Variants in LRCH3 observed in about 807,000 individuals in gnomAD.
LRCH3 encodes the protein leucine rich repeats and calponin homology domain containing 3, also known as DISP complex protein LRCH3.
A neutral mutation model predicts 104.5 loss-of-function variants in LRCH3; 68 were observed. That is an observed-to-expected ratio of 0.65 (90% confidence interval 0.54 to 0.80). LRCH3 has a LOEUF of 0.80. LRCH3 is among the 30% of genes least tolerant of loss of function. The pLI is 0.00. For missense variants in LRCH3, 951 were observed against 953.9 expected (o/e 1.00, Z 0.04); for synonymous variants, 344 against 361.3 (o/e 0.95, Z 0.54).
intron 19 of LRCH3, among the ~76,000 whole-genome samples, chr3:197,872,473 G>A (rs1712328757): frequency 6.6e-6 from 1 of 151,622 alleles, no homozygotes; most frequent in African/African-American, 2.4e-5. Context: ...GCTTGTGCCT[G>A]TAGTCCCAGC....
At chr3:197,830,506 A>G (rs1735789460) in intron 6 of LRCH3, among the ~76,000 whole-genome samples, 1 of 152,226 alleles carries the variant, frequency 6.6e-6, no homozygotes, top group African/African-American at 2.4e-5. Flanking sequence ...GCACAGTCCT[A>G]GTAAACTCGC....
chr3:197,870,316 T>A, intron 18 of LRCH3, 38 bp downstream of exon 18: 1 of 1,582,612 alleles, frequency 6.3e-7, no homozygotes. Flanking sequence ...TTTTCAGTAT[T>A]ACTGCTATAG....
chr3:197,820,958 C>T (rs1580643791), intron 4 of LRCH3, among the ~76,000 whole-genome samples: 1 of 150,346 alleles, frequency 6.7e-6, no homozygotes. Flanking sequence ...ATTTTAAAAG[C>T]CTCTTCAATG....
chr3:197,795,212 G>A (rs1460164339), intron 1 of LRCH3, among the ~76,000 whole-genome samples: 1 of 152,072 alleles, frequency 6.6e-6, no homozygotes, highest in Non-Finnish European at 1.5e-5. Context: ...AAAATGTTAA[G>A]AGTATAAGGG....
In LRCH3 at chr3:197,812,504, GTTTTTTTTTTT is replaced by G. The variant is rs71623380; in HGVS notation, c.263-2388_263-2378del. Among the ~76,000 whole-genome samples the G allele has an allele frequency of 6.6e-3, 325 of 48,976 alleles. 11 individuals carry two copies. The highest frequency in any genetic ancestry group is 8.1e-3 in the Non-Finnish European group (232 of 28,498). 32.1% of individuals were successfully genotyped at this position (48,976 alleles called of 152,430 possible). On this transcript the variant is annotated intron_variant, in intron 1 of 20. Transcript: ENST00000425562. ...ATATCTGTTCAAGTCTCTGCTTTCAGTTTTTTTTTTTTTTTTTTTTTTTTTTAGGTGGAGTC... is the reference window on the plus strand; with the variant it reads ...ATATCTGTTCAAGTCTCTGCTTTCAGTTTTTTTTTTTTTTTAGGTGGAGTC...
In LRCH3 at chr3:197,883,388, C is replaced by G; in HGVS notation, c.2209-153C>G. 7.2e-7 allele frequency: 1 copy of G among 1,396,632 alleles called. No homozygotes were observed. The highest frequency in any genetic ancestry group is 9.3e-7 in the Non-Finnish European group (1 of 1,069,878). 86.5% of individuals were successfully genotyped at this position (1,396,632 alleles called of 1,614,324 possible). On this transcript the variant is annotated intron_variant, in intron 20 of 20. Coordinates refer to ENST00000425562, the MANE Select transcript of LRCH3 (RefSeq NM_001365715.1). This position sits in a 1 kb window ranked among gnomAD's most constrained non-coding sequence, Gnocchi z 4.2. ...AGTGTCAGACACCATCTCTCTAACT[C>G]ATATTTACACTGAGGTCAGTTTCCC...
chr3:197,805,317 G>T (rs184987007), intron 1 of LRCH3, among the ~76,000 whole-genome samples: 2 of 152,262 alleles, frequency 1.3e-5, no homozygotes, highest in East Asian at 3.9e-4. Flanking sequence ...TTTCTTAAGG[G>T]TCTTACCTCT....
intron 1 of LRCH3, among the ~76,000 whole-genome samples, chr3:197,814,369 C>G (rs915541905): frequency 3.9e-5 from 6 of 152,360 alleles, no homozygotes; most frequent in East Asian, 1.9e-4. Context: ...GTCCCTCCCA[C>G]AGCGTGGGGG....
At chr3:197,843,961 C>G (rs1580768769) in intron 10 of LRCH3, among the ~76,000 whole-genome samples, 2 of 152,040 alleles carry the variant, frequency 1.3e-5, no homozygotes, top group African/African-American at 4.8e-5. Flanking sequence ...TCAGGTACTG[C>G]TAGGTGCTAT....
chr3:197,792,246 C>T (rs1453219963), intron 1 of LRCH3, among the ~76,000 whole-genome samples: 1 of 151,742 alleles, frequency 6.6e-6, no homozygotes, highest in Non-Finnish European at 1.5e-5. Flanking sequence ...CCATTAGTTT[C>T]CTCTTCCACT....
Position 197,884,484 on chromosome 3 carries a change from AGCCCCCGCGCCCG to A in LRCH3, c.*822_*834del, listed in dbSNP as rs999839994. On this transcript the variant is annotated 3_prime_UTR_variant, in exon 21 of 21. Transcript: ENST00000425562. ...CCAGAGTGCTGGGATGACAGGCGTG[AGCCCCCGCGCCCG>A]GCCTCCGAGAGTGCTGGGATTACAG... 2 of 152,604 alleles carry A rather than the reference AGCCCCCGCGCCCG, an allele frequency of 1.3e-5. No individual in the cohort carries two copies. The highest frequency in any genetic ancestry group is 2.9e-5 in the Non-Finnish European group (2 of 68,724). 9.5% of individuals were successfully genotyped at this position (152,604 alleles called of 1,614,324 possible).
intron 20 of LRCH3, among the ~76,000 whole-genome samples, chr3:197,879,645 T>C (rs1471696673): frequency 1.3e-5 from 2 of 150,658 alleles, no homozygotes; most frequent in East Asian, 1.9e-4. Flanking sequence ...AAAAATAAAA[T>C]AAAACAGACA....
intron 1 of LRCH3, among the ~76,000 whole-genome samples, chr3:197,803,080 A>G (rs1295389399): frequency 1.3e-5 from 2 of 152,230 alleles, no homozygotes; most frequent in Non-Finnish European, 1.5e-5. Flanking sequence ...GTCAACTTCT[A>G]GGTATTTGGG....
intron 15 of LRCH3, among the ~76,000 whole-genome samples, chr3:197,862,182 G>A (rs1740961566): frequency 6.6e-6 from 1 of 152,276 alleles, no homozygotes; most frequent in Non-Finnish European, 1.5e-5. Flanking sequence ...TTTTAGTAGA[G>A]ATGGGATTTT....
chr3:197,857,178 C>A (rs558376098), intron 14 of LRCH3, among the ~76,000 whole-genome samples: 1 of 140,486 alleles, frequency 7.1e-6, no homozygotes, highest in Non-Finnish European at 1.5e-5. Flanking sequence ...ACCTCTCAAG[C>A]TCCTGTTAAT....
chr3:197,883,528 T>C lies in LRCH3; in HGVS notation c.2209-13T>C, dbSNP rs1167620623. 9 of 1,533,974 alleles carry C rather than the reference T, an allele frequency of 5.9e-6. No individual in the cohort carries two copies. In the South Asian group the frequency reaches 8.4e-5, roughly 14 times the overall value. ...CTTTTTTGTTTGTTTTCATGTTACGTTGTCCCTTTCAGGAGCAATTATGTT... is the reference window on the plus strand; with the variant it reads ...CTTTTTTGTTTGTTTTCATGTTACGCTGTCCCTTTCAGGAGCAATTATGTT... On this transcript the variant is annotated splice_polypyrimidine_tract_variant and intron_variant, in intron 20 of 20. Transcript: ENST00000425562. The surrounding 1 kb of genome is among the most constrained non-coding windows in gnomAD (Gnocchi z 4.2).
intron 1 of LRCH3, among the ~76,000 whole-genome samples, chr3:197,814,519 A>G (rs991464391): frequency 2.0e-5 from 3 of 152,202 alleles, no homozygotes; most frequent in Non-Finnish European, 4.4e-5. Context: ...AATATATGTG[A>G]TGAATTTCAG....
chr3:197,794,015 A>T (rs1054300955), intron 1 of LRCH3, among the ~76,000 whole-genome samples: 1 of 152,246 alleles, frequency 6.6e-6, no homozygotes, highest in African/African-American at 2.4e-5. Flanking sequence ...AATGCACACA[A>T]TAATTTGTGG....
At chr3:197,859,619 T>C (rs1245961617) in intron 15 of LRCH3, among the ~76,000 whole-genome samples, 4 of 152,232 alleles carry the variant, frequency 2.6e-5, no homozygotes, top group African/African-American at 9.6e-5. Context: ...GGTAATTCCA[T>C]ATTTGTTATC....
Sources: allele counts gnomAD v4.1 joint callset (sites outside exome capture counted in the v4.1 genomes callset), GRCh38; gene constraint gnomAD v4.1.1; non-coding constraint Gnocchi (gnomAD v3.1); transcripts MANE v1.5; gene names NCBI Gene and HGNC (gene_info 2026-07-23, HGNC 2026-07-21).